Variants in ASAP1 observed in about 807,000 individuals in gnomAD.
ASAP1 encodes ArfGAP with SH3 domain, ankyrin repeat and PH domain 1, also known as arf-GAP with SH3 domain, ANK repeat and PH domain-containing protein 1.
ASAP1 carries 43 observed loss-of-function variants against 145.2 expected under a neutral mutation model. The observed-to-expected ratio is 0.30, with a 90% CI of 0.23 to 0.38. ASAP1 has a LOEUF of 0.38. Among genes scored for constraint, ASAP1 ranks in the 10% least tolerant of loss-of-function variants. The pLI is 1.00. For missense variants in ASAP1, 1,018 were observed against 1,355.3 expected, an observed-to-expected ratio of 0.75 and a Z score of 3.91; for synonymous variants, 546 against 515.5, an observed-to-expected ratio of 1.06 and a Z score of -0.80.
intron 4 of ASAP1, among the ~76,000 whole-genome samples, chr8:130,233,271 G>C (rs997062041): frequency 6.6e-6 from 1 of 152,166 alleles, no homozygotes; most frequent in Non-Finnish European, 1.5e-5. Context: ...TTCATGATTA[G>C]TGAATATTAA....
chr8:130,287,850 C>G (rs961936073), intron 3 of ASAP1, among the ~76,000 whole-genome samples: 2 of 152,198 alleles, frequency 1.3e-5, no homozygotes, highest in African/African-American at 4.8e-5. Context: ...CCCACTCAGT[C>G]TAGCATATAG....
At chr8:130,177,773 G>A (rs1199778582) in intron 9 of ASAP1, among the ~76,000 whole-genome samples, 2 of 152,058 alleles carry the variant, frequency 1.3e-5, no homozygotes, top group Non-Finnish European at 2.9e-5. Context: ...AAATATCCTA[G>A]ACAATAAAAT....
chr8:130,383,746 CA>C (rs1223360911), intron 2 of ASAP1, among the ~76,000 whole-genome samples: 1 of 152,242 alleles, frequency 6.6e-6, no homozygotes, highest in African/African-American at 2.4e-5. Flanking sequence ...GGCCTGACCA[CA>C]CCAGTGGCAT....
At chr8:130,169,954 T>C (rs1336143139) in intron 9 of ASAP1, among the ~76,000 whole-genome samples, 3 of 152,184 alleles carry the variant, frequency 2.0e-5, no homozygotes, top group Non-Finnish European at 2.9e-5. Flanking sequence ...GTCTCTGATA[T>C]CAGTTTAGAA....
At chr8:130,433,316 AAGCCTTCGATCC>A (rs1434401232) in intron 1 of ASAP1, among the ~76,000 whole-genome samples, 1 of 152,112 alleles carries the variant, frequency 6.6e-6, no homozygotes, top group African/African-American at 2.4e-5. Context: ...TCCTACCACA[AAGCCTTCGATCC>A]AGCTATTCTC....
At chr8:130,403,052 A>T (rs1040146055) in intron 1 of ASAP1, among the ~76,000 whole-genome samples, 6 of 151,292 alleles carry the variant, frequency 4.0e-5, no homozygotes, top group African/African-American at 1.5e-4. Context: ...CCACATCCAA[A>T]CCCTCAACCT....
intron 3 of ASAP1, among the ~76,000 whole-genome samples, chr8:130,328,821 G>A (rs1824503916): frequency 6.6e-6 from 1 of 151,710 alleles, no homozygotes; most frequent in Admixed American, 6.6e-5. Context: ...TAGAGATGGT[G>A]GTCTCCCTAT....
At chr8:130,187,043 A>G (rs1375709730) in intron 7 of ASAP1, among the ~76,000 whole-genome samples, 193 bp downstream of exon 7, 1 of 152,220 alleles carries the variant, frequency 6.6e-6, no homozygotes, top group East Asian at 1.9e-4. Context: ...AGGACATGCA[A>G]CCACTTTAGG....
intron 27 of ASAP1, among the ~76,000 whole-genome samples, chr8:130,066,610 GTTTC>G (rs764054315): frequency 9.6e-5 from 13 of 134,840 alleles, no homozygotes; most frequent in African/African-American, 1.9e-4. Context: ...TTCCTTCCTT[GTTTC>G]TTTTTCTTTC....
Position 130,358,701 on chromosome 8 carries a change from CCCCCCGGT to C in ASAP1, c.60-566_60-559del, listed in dbSNP as rs1280907873. ...GCACGCGCGCCGCCCCCAGCCCCGC[CCCCCCGGT>C]CCCTCCCCGCCCGCGCCCCGCCCCC... On this transcript the variant is annotated intron_variant, in intron 2 of 29. Coordinates refer to ENST00000518721, the MANE Select transcript of ASAP1 (RefSeq NM_018482.4). The surrounding 1 kb of genome is among the most constrained non-coding windows in gnomAD (Gnocchi z 4.1). Among the ~76,000 whole-genome samples the C allele has an allele frequency of 7.1e-6, 1 of 139,886 alleles. No individual in the cohort carries two copies. Among genetic ancestry groups the C allele is most frequent in the Non-Finnish European group, 1.6e-5 (1 of 63,562 alleles). 91.8% of individuals were successfully genotyped at this position (139,886 alleles called of 152,430 possible).
intron 3 of ASAP1, among the ~76,000 whole-genome samples, chr8:130,317,442 A>G: frequency 6.6e-6 from 1 of 152,236 alleles, no homozygotes; most frequent in East Asian, 1.9e-4. Context: ...CGACTCACTT[A>G]GCTGCTAATG....
intron 3 of ASAP1, among the ~76,000 whole-genome samples, chr8:130,280,191 T>C (rs1821172242): frequency 6.6e-6 from 1 of 152,220 alleles, no homozygotes; most frequent in South Asian, 2.1e-4. Context: ...AAGATGATTT[T>C]ACCAGACCAG....
intron 3 of ASAP1, among the ~76,000 whole-genome samples, chr8:130,264,379 C>T (rs1820119368): frequency 6.6e-6 from 1 of 152,166 alleles, no homozygotes; most frequent in Admixed American, 6.5e-5. Flanking sequence ...ACTCTCAGGC[C>T]AGCCAAGTCC....
chr8:130,333,457 A>T (rs965355089), intron 3 of ASAP1, among the ~76,000 whole-genome samples: 8 of 152,212 alleles, frequency 5.3e-5, no homozygotes, highest in African/African-American at 1.9e-4. Flanking sequence ...TAAAAAAATT[A>T]GCCAGGCATG....
chr8:130,373,235 CT>C (rs985444535), intron 2 of ASAP1, among the ~76,000 whole-genome samples: 13 of 150,812 alleles, frequency 8.6e-5, no homozygotes, highest in African/African-American at 3.2e-4. Context: ...TTATGAATGG[CT>C]TTTTTTTGCA....
intron 15 of ASAP1, among the ~76,000 whole-genome samples, chr8:130,130,921 C>A (rs2097581935): frequency 6.6e-6 from 1 of 151,968 alleles, no homozygotes; most frequent in South Asian, 2.1e-4. Flanking sequence ...CTTTGGGAGG[C>A]CAAGGCGGGC....
chr8:130,237,067 T>C, intron 3 of ASAP1, 73 bp from the exon 4 acceptor site: 1 of 1,182,322 alleles, frequency 8.5e-7, no homozygotes, highest in Non-Finnish European at 1.2e-6. Context: ...AAAATTCATT[T>C]GTAATTGCAT....
intron 3 of ASAP1, among the ~76,000 whole-genome samples, chr8:130,253,533 A>T (rs1565138768): frequency 6.6e-6 from 1 of 152,250 alleles, no homozygotes; most frequent in Admixed American, 6.5e-5. Flanking sequence ...AAAGCCTTCC[A>T]TTGAACAAGC....
intron 18 of ASAP1, among the ~76,000 whole-genome samples, chr8:130,122,066 T>G (rs1228909250): frequency 6.6e-6 from 1 of 152,106 alleles, no homozygotes; most frequent in East Asian, 1.9e-4. Flanking sequence ...GCCTGGCTGC[T>G]TCCCCCCAGG....
Sources: allele counts gnomAD v4.1 joint callset (sites outside exome capture counted in the v4.1 genomes callset), GRCh38; gene constraint gnomAD v4.1.1; non-coding constraint Gnocchi (gnomAD v3.1); transcripts MANE v1.5; gene names NCBI Gene and HGNC (gene_info 2026-07-23, HGNC 2026-07-21).